Variants in DLGAP2 observed in about 807,000 individuals in gnomAD.
DLGAP2 encodes the protein disks large-associated protein 2.
Under a neutral mutation model 100.3 loss-of-function variants are expected in DLGAP2, and 26 were observed. The ratio of observed to expected loss-of-function variants is 0.26; its 90% CI spans 0.19 to 0.36. DLGAP2 has a LOEUF of 0.36. Among genes scored for constraint, DLGAP2 ranks in the 10% least tolerant of loss-of-function variants. DLGAP2 has a pLI of 1.00. For synonymous variants in DLGAP2, 886 were observed against 630.1 expected (o/e 1.41, Z -6.08); for missense variants, 1,858 against 1,453.2 (o/e 1.28, Z -4.53).
At chr8:837,900 T>TC (rs1467952841) in intron 1 of DLGAP2, among the ~76,000 whole-genome samples, 1 of 148,096 alleles carries the variant, frequency 6.8e-6, no homozygotes, top group African/African-American at 2.5e-5. Flanking sequence ...TTTGTTTTTT[T>TC]TTTTTTCTTT....
At chr8:1,040,597 C>T (rs574317137) in intron 2 of DLGAP2, among the ~76,000 whole-genome samples, 14 of 146,144 alleles carry the variant, frequency 9.6e-5, no homozygotes, top group South Asian at 2.2e-4. Flanking sequence ...GCTCAGTGTG[C>T]GTGGTCAGCT....
intron 2 of DLGAP2, among the ~76,000 whole-genome samples, chr8:1,039,866 G>A (rs76768793): frequency 4.0e-4 from 52 of 131,240 alleles, no homozygotes; most frequent in African/African-American, 5.8e-4. Flanking sequence ...GTGCGTGGTC[G>A]GCTCATTGTG....
At chr8:1,331,282 CCA>C (rs1801152363) in intron 3 of DLGAP2, among the ~76,000 whole-genome samples, 1 of 152,180 alleles carries the variant, frequency 6.6e-6, no homozygotes, top group South Asian at 2.1e-4. Flanking sequence ...GTCCTGGAAG[CCA>C]CAGTGTCTGG....
chr8:1,504,088 A>T (rs1211910561), intron 4 of DLGAP2, among the ~76,000 whole-genome samples: 1 of 151,924 alleles, frequency 6.6e-6, no homozygotes, highest in East Asian at 1.9e-4. Context: ...CCCTGGTTCT[A>T]TGTCAGTCAG....
intron 2 of DLGAP2, among the ~76,000 whole-genome samples, chr8:1,118,027 A>T (rs1795935523): frequency 6.6e-6 from 1 of 152,248 alleles, no homozygotes; most frequent in Non-Finnish European, 1.5e-5. Flanking sequence ...ATATGCTTTC[A>T]AAAGTTGTAT....
chr8:1,321,334 G>A (rs1255234684), intron 3 of DLGAP2, among the ~76,000 whole-genome samples: 4 of 151,344 alleles, frequency 2.6e-5, no homozygotes, highest in African/African-American at 9.7e-5. Flanking sequence ...GTGTGTCTGT[G>A]TGTCTCTGCA....
At chr8:1,192,961 T>C (rs1342018677) in intron 2 of DLGAP2, among the ~76,000 whole-genome samples, 1 of 152,102 alleles carries the variant, frequency 6.6e-6, no homozygotes, top group Admixed American at 6.5e-5. Flanking sequence ...CTGAGAATGA[T>C]GGTTTCCAGC....
At chr8:1,229,512 G>A (rs1350637379) in intron 2 of DLGAP2, among the ~76,000 whole-genome samples, 2 of 151,728 alleles carry the variant, frequency 1.3e-5, no homozygotes, top group African/African-American at 4.8e-5. Flanking sequence ...TGTGTGTGTA[G>A]AGGTTTCATA....
At chr8:772,289 G>C (rs189052026) in intron 1 of DLGAP2, among the ~76,000 whole-genome samples, 1 of 151,968 alleles carries the variant, frequency 6.6e-6, no homozygotes, top group Admixed American at 6.6e-5. Flanking sequence ...TTAAACCATC[G>C]TGTTTAAAAT....
chr8:1,124,092 A>C (rs1796111271), intron 2 of DLGAP2, among the ~76,000 whole-genome samples: 1 of 152,188 alleles, frequency 6.6e-6, no homozygotes, highest in South Asian at 2.1e-4. Flanking sequence ...AATGTTTCTC[A>C]TGCATATCGT....
At chr8:1,279,706 C>T (rs1428902646) in intron 3 of DLGAP2, among the ~76,000 whole-genome samples, 1 of 152,170 alleles carries the variant, frequency 6.6e-6, no homozygotes, top group Non-Finnish European at 1.5e-5. Flanking sequence ...CTCGCCCAGC[C>T]AGCTGGTAAG....
intron 1 of DLGAP2, among the ~76,000 whole-genome samples, chr8:896,861 T>A (rs1396210254): frequency 2.6e-5 from 4 of 152,182 alleles, no homozygotes; most frequent in African/African-American, 9.7e-5. Flanking sequence ...ACAAGTGGTG[T>A]CTCTTAATGA....
In DLGAP2 at chr8:1,639,130, A is replaced by T. The variant is rs1404886214; in HGVS notation, c.1810+6084A>T. Among the ~76,000 whole-genome samples, 6 of 152,146 alleles carry T rather than the reference A, an allele frequency of 3.9e-5. No individual in the cohort carries two copies. In the South Asian group the frequency reaches 1.2e-3, roughly 31 times the overall value. On this transcript the variant is annotated intron_variant, in intron 8 of 14. Coordinates refer to ENST00000637795, the MANE Select transcript of DLGAP2 (RefSeq NM_001346810.2). The stretch of plus-strand genomic sequence containing the variant: ...GAGGGTCCCATGACTTGCTAACCCA[A>T]CTTCAAGAAGAGGTGTGGAGGTCGA...
At chr8:1,232,238 G>A (rs990695242) in intron 2 of DLGAP2, among the ~76,000 whole-genome samples, 4 of 152,330 alleles carry the variant, frequency 2.6e-5, no homozygotes, top group African/African-American at 7.2e-5. Context: ...GCAGAAGCTG[G>A]CCCACAACGC....
At chr8:1,689,232 TA>T (rs1240009389) in intron 12 of DLGAP2, among the ~76,000 whole-genome samples, 1 of 152,162 alleles carries the variant, frequency 6.6e-6, no homozygotes, top group East Asian at 1.9e-4. Context: ...CTCCTAAACG[TA>T]GAAAGAAACG....
chr8:1,094,991 G>A (rs1804318997), intron 2 of DLGAP2, among the ~76,000 whole-genome samples: 1 of 152,206 alleles, frequency 6.6e-6, no homozygotes, highest in South Asian at 2.1e-4. Context: ...GGTCTCAGCA[G>A]CCTGCTCCAG....
At chr8:788,286 T>A (rs910098849) in intron 1 of DLGAP2, among the ~76,000 whole-genome samples, 2 of 152,236 alleles carry the variant, frequency 1.3e-5, no homozygotes, top group African/African-American at 4.8e-5. Flanking sequence ...TCCATACCCA[T>A]GTGGTCTGGT....
At position 1,697,206 on chromosome 8, in the gene DLGAP2, G is replaced by A. The variant is rs1477084265; in HGVS notation, c.2856G>A (p.Leu952=). The change falls in exon 14 of 15, where the codon CTG becomes CTA. Residue 952 remains leucine (L), a synonymous_variant. Coordinates refer to ENST00000637795, the MANE Select transcript of DLGAP2 (RefSeq NM_001346810.2). ...ACCTGGCCGGCTACTGGGACATGCT[G>A]CAGCTCTCCATTGAGGACGTCAGCA... ...SQDLAGYWDM[L]QLSIEDVSMK... 4 of 1,610,738 alleles carry A rather than the reference G, an allele frequency of 2.5e-6. No individual in the cohort carries two copies. Among genetic ancestry groups the A allele is most frequent in the African/African-American group, 1.3e-5 (1 of 74,872 alleles).
At position 1,704,740 on chromosome 8, in the gene DLGAP2, T is replaced by C. The variant is rs915739290; in HGVS notation, c.*3334T>C. 9.2e-5 allele frequency: 14 copies of C among 151,520 alleles called. No homozygotes were observed. Among genetic ancestry groups the C allele is most frequent in the African/African-American group, 2.7e-4 (11 of 41,164 alleles). The allele number at this position is 151,520 out of a possible 1,614,324, so 9.4% of individuals were successfully genotyped here. A position where few individuals can be genotyped will look rare whatever the true frequency, so the allele number is the denominator to read the frequency against. ...GGAAAGGTAAATGGTCAGATAAAAATATAATTACCTGTAAGGTTATCTGGT... is the reference window on the plus strand; with the variant it reads ...GGAAAGGTAAATGGTCAGATAAAAACATAATTACCTGTAAGGTTATCTGGT... On this transcript the variant is annotated 3_prime_UTR_variant, in exon 15 of 15. Transcript: ENST00000637795.
Sources: allele counts gnomAD v4.1 joint callset (sites outside exome capture counted in the v4.1 genomes callset), GRCh38; gene constraint gnomAD v4.1.1; transcripts MANE v1.5; gene names NCBI Gene and HGNC (gene_info 2026-07-23, HGNC 2026-07-21).